HVCN1: variants seen among roughly 807,000 people sequenced by gnomAD.
HVCN1 encodes hydrogen voltage gated channel 1.
A neutral mutation model predicts 29.2 loss-of-function variants in HVCN1; 14 were observed. The ratio of observed to expected loss-of-function variants is 0.48; its 90% CI spans 0.32 to 0.75. The LOEUF is 0.75. HVCN1 is among the 30% of genes least tolerant of loss of function. The probability of loss-of-function intolerance (pLI) is 0.04; values close to 1 mark genes in which losing one functional copy is unlikely to be tolerated. For missense variants in HVCN1, 263 were observed against 341.8 expected (o/e 0.77, Z 1.82); for synonymous variants, 131 against 133.2 (o/e 0.98, Z 0.11).
In HVCN1 at chr12:110,655,105, C is replaced by T. The variant is rs183676408; in HGVS notation, c.411+129G>A. Reference sequence around the variant, plus strand: ...CATATTCTGGAAAGGAAGACGAAAACACCTATCAAACTACCACAGACCTTG... The same window carrying T: ...CATATTCTGGAAAGGAAGACGAAAATACCTATCAAACTACCACAGACCTTG... On this transcript the variant is annotated intron_variant, in intron 5 of 7. Coordinates refer to ENST00000242607, the MANE Select transcript of HVCN1 (RefSeq NM_032369.4). 140 of 624,290 alleles carry T rather than the reference C, an allele frequency of 2.2e-4. 1 individual carries two copies. The highest frequency in any genetic ancestry group is 2.1e-3 in the Admixed American group (85 of 40,246). 38.7% of individuals were successfully genotyped at this position (624,290 alleles called of 1,614,324 possible).
chr12:110,673,820 G>A (rs1030480631), intron 3 of HVCN1, among the ~76,000 whole-genome samples: 3 of 152,246 alleles, frequency 2.0e-5, no homozygotes, highest in Admixed American at 6.5e-5. Context: ...GGAAATGCCT[G>A]AATGCCCAGC....
chr12:110,672,140 T>G (rs2068595529), intron 3 of HVCN1, among the ~76,000 whole-genome samples: 1 of 152,132 alleles, frequency 6.6e-6, no homozygotes. Flanking sequence ...AAAATTTTAT[T>G]TCCTTTTTAT....
At chr12:110,659,422 T>C (rs1169146418) in intron 4 of HVCN1, among the ~76,000 whole-genome samples, 3 of 152,226 alleles carry the variant, frequency 2.0e-5, no homozygotes, top group Non-Finnish European at 4.4e-5. Context: ...CGGGTCTATT[T>C]TGTTTGGGGA....
intron 3 of HVCN1, among the ~76,000 whole-genome samples, chr12:110,682,176 T>TG (rs1257034765): frequency 3.3e-5 from 5 of 152,026 alleles, no homozygotes; most frequent in African/African-American, 1.2e-4. Flanking sequence ...TTAGTAGAGA[T>TG]GGGGTTTCAC....
rs2068060568 is a variant in HVCN1 at position 110,658,540 on chromosome 12, GC to G, written c.306+2623del. On this transcript the variant is annotated intron_variant, in intron 4 of 7. Coordinates refer to ENST00000242607, the MANE Select transcript of HVCN1 (RefSeq NM_032369.4). This position sits in a 1 kb window ranked among gnomAD's most constrained non-coding sequence, Gnocchi z 5.0. Reference sequence around the variant, plus strand: ...ATGCTGCAGGTCCTTGGCAAACGAAGCCCCTCTACCTGGAAGCCTCCCACGC... The same window carrying G: ...ATGCTGCAGGTCCTTGGCAAACGAAGCCCTCTACCTGGAAGCCTCCCACGC... Among the ~76,000 whole-genome samples, 3 of 152,104 alleles carry G rather than the reference GC, an allele frequency of 2.0e-5. No individual in the cohort carries two copies. The highest frequency in any genetic ancestry group is 2.9e-5 in the Non-Finnish European group (2 of 68,002).
rs1041404641 is a variant in HVCN1 at position 110,661,987 on chromosome 12, T to C, written c.22-539A>G. On this transcript the variant is annotated intron_variant, in intron 3 of 7. Coordinates refer to ENST00000242607, the MANE Select transcript of HVCN1 (RefSeq NM_032369.4). This position sits in a 1 kb window ranked among gnomAD's most constrained non-coding sequence, Gnocchi z 6.2. ...GACAGTTGTTTAAAGCAAAAGCAAA[T>C]ATCCCTGTGCCCTCTCTCCACTTTA... Among the ~76,000 whole-genome samples, 1 of 152,148 alleles carries C rather than the reference T, an allele frequency of 6.6e-6. No individual in the cohort carries two copies. The highest frequency in any genetic ancestry group is 6.5e-5 in the Admixed American group (1 of 15,276).
At chr12:110,657,591 G>A (rs1447701952) in intron 4 of HVCN1, among the ~76,000 whole-genome samples, 3 of 151,746 alleles carry the variant, frequency 2.0e-5, no homozygotes, top group East Asian at 1.9e-4. Flanking sequence ...AAATGCCACA[G>A]AATCATTTAC....
At chr12:110,679,830 G>A (rs1017492452) in intron 3 of HVCN1, among the ~76,000 whole-genome samples, 24 of 151,562 alleles carry the variant, frequency 1.6e-4, no homozygotes, top group Non-Finnish European at 2.5e-4. Flanking sequence ...TCCGCAGTCC[G>A]GCCTGGGCGA....
intron 3 of HVCN1, among the ~76,000 whole-genome samples, chr12:110,663,285 T>C (rs2068236555): frequency 6.6e-6 from 1 of 152,046 alleles, no homozygotes; most frequent in Non-Finnish European, 1.5e-5. Flanking sequence ...ATTGGTGACA[T>C]GTTCAAAAAT....
intron 3 of HVCN1, among the ~76,000 whole-genome samples, chr12:110,666,410 G>T (rs571562029): frequency 4.8e-4 from 73 of 151,918 alleles, no homozygotes; most frequent in African/African-American, 1.5e-3. Context: ...GCGACAGAGT[G>T]AGACTCCGCC....
At chr12:110,684,598 C>T (rs958044669) in intron 2 of HVCN1, among the ~76,000 whole-genome samples, 1 of 151,880 alleles carries the variant, frequency 6.6e-6, no homozygotes, top group African/African-American at 2.4e-5. Context: ...AATACAGATG[C>T]TTTTTTTTGG....
At chr12:110,696,039 G>T (rs2069484665) in intron 2 of HVCN1, among the ~76,000 whole-genome samples, 1 of 149,984 alleles carries the variant, frequency 6.7e-6, no homozygotes, top group Non-Finnish European at 1.5e-5. Flanking sequence ...TGCAACCTCT[G>T]CCTCCCAGGT....
upstream of HVCN1, among the ~76,000 whole-genome samples, chr12:110,690,049 C>T (rs907137297): frequency 1.3e-5 from 2 of 152,192 alleles, no homozygotes; most frequent in African/African-American, 4.8e-5. Flanking sequence ...AATGTGTTAT[C>T]TTACAGCCCT....
chr12:110,697,632 C>T (rs1340231845), intron 2 of HVCN1, among the ~76,000 whole-genome samples: 3 of 151,562 alleles, frequency 2.0e-5, no homozygotes, highest in African/African-American at 7.3e-5. Flanking sequence ...CTATATGCCA[C>T]TCACAGCGCG....
chr12:110,678,555 A>T (rs1258348409), intron 3 of HVCN1, among the ~76,000 whole-genome samples: 1 of 142,172 alleles, frequency 7.0e-6, no homozygotes, highest in East Asian at 2.1e-4. Flanking sequence ...GGCTCAAGAG[A>T]TCCTCCCACC....
upstream of HVCN1, among the ~76,000 whole-genome samples, chr12:110,690,633 A>G (rs143670880): frequency 6.8e-3 from 1,036 of 151,708 alleles, 1 homozygote; most frequent in Non-Finnish European, 9.3e-3. Context: ...CAGCATCACC[A>G]TGCCTGACTA....
Position 110,694,858 on chromosome 12 carries a change from A to G in HVCN1, c.-103-6150T>C, listed in dbSNP as rs1219151621. Among the ~76,000 whole-genome samples, 1 of 152,220 alleles carries G rather than the reference A, an allele frequency of 6.6e-6. No homozygotes were observed. The highest frequency in any genetic ancestry group is 1.5e-5 in the Non-Finnish European group (1 of 68,038). ...CACTCGGCTCAGCCTTCTGCCTCAC[A>G]GTTCAGAGTCACACAGAAGAGTAGG... On this transcript the variant is annotated intron_variant, in intron 2 of 4. Coordinates refer to the HVCN1 transcript ENST00000546713. This position sits in a 1 kb window ranked among gnomAD's most constrained non-coding sequence, Gnocchi z 4.6.
At chr12:110,703,956 A>AT (rs1303517375) in intron 1 of HVCN1, among the ~76,000 whole-genome samples, 1 of 152,186 alleles carries the variant, frequency 6.6e-6, no homozygotes, top group African/African-American at 2.4e-5. Flanking sequence ...AAGTACTGGG[A>AT]TTACAGGTGT....
chr12:110,674,523 A>C lies in HVCN1; in HGVS notation c.21+8702T>G, dbSNP rs556141621. ...GTAGTTTGGCTGTGTCTCCACCCAA[A>C]TCTTAACTTGAATTATATCTTCCAG... On this transcript the variant is annotated intron_variant, in intron 3 of 7. Coordinates refer to ENST00000242607, the MANE Select transcript of HVCN1 (RefSeq NM_032369.4). 3.3e-5 allele frequency among the ~76,000 whole-genome samples: 5 copies of C among 152,274 alleles called. No homozygotes were observed. In the South Asian group the frequency reaches 1.0e-3, roughly 32 times the overall value.
Sources: gnomAD v4.1 joint callset for allele counts (sites outside exome capture counted in the v4.1 genomes callset) on GRCh38, gnomAD v4.1.1 for gene constraint, Gnocchi (gnomAD v3.1) non-coding constraint, MANE v1.5 for transcripts, NCBI Gene and HGNC (gene_info 2026-07-23, HGNC 2026-07-21) for gene names.